GRK5: variants seen among roughly 807,000 people sequenced by gnomAD.
GRK5 encodes the protein G protein-coupled receptor kinase 5.
A neutral mutation model predicts 78.4 loss-of-function variants in GRK5; 40 were observed. The ratio of observed to expected loss-of-function variants is 0.51; its 90% confidence interval spans 0.40 to 0.66. The LOEUF (loss-of-function observed/expected upper bound fraction) is 0.66. GRK5 is among the 30% of genes least tolerant of loss of function. The probability of loss-of-function intolerance (pLI) is 0.00; values close to 1 mark genes in which losing one functional copy is unlikely to be tolerated. For synonymous variants in GRK5, 289 were observed against 296.8 expected, an observed-to-expected ratio of 0.97 and a Z score of 0.27; for missense variants, 598 against 759.9, an observed-to-expected ratio of 0.79 and a Z score of 2.50.
chr10:119,246,204 A>G (rs776760992), intron 1 of GRK5, among the ~76,000 whole-genome samples: 1 of 152,104 alleles, frequency 6.6e-6, no homozygotes, highest in Non-Finnish European at 1.5e-5. Context: ...ATATAAAGTG[A>G]CATAGTATTC....
intron 1 of GRK5, among the ~76,000 whole-genome samples, chr10:119,250,652 C>T (rs1849184782): frequency 4.0e-5 from 6 of 151,824 alleles, no homozygotes; most frequent in Admixed American, 1.3e-4. Flanking sequence ...CCTGGCCCTA[C>T]ACCACATATT....
chr10:119,396,587 T>A, intron 3 of GRK5, 108 bp from the exon 4 acceptor site: 2 of 840,126 alleles, frequency 2.4e-6, no homozygotes, highest in East Asian at 2.6e-5. Context: ...GAGAAGGGGG[T>A]TGGTCAGGTG....
intron 4 of GRK5, among the ~76,000 whole-genome samples, chr10:119,411,842 CTTTTTTTTT>C (rs10578557): frequency 0.46 from 44,470 of 96,324 alleles, 9,359 homozygotes; most frequent in South Asian, 0.5. Context: ...AGATCTGCTT[CTTTTTTTTT>C]TTTTTTTTTT....
At position 119,427,367 on chromosome 10, in the gene GRK5, A is replaced by ACCACCATCAACAGCATCACTGCCT. The variant is rs1852710835; in HGVS notation, c.533+2282_533+2283insCCACCATCAACAGCATCACTGCCT. Among the ~76,000 whole-genome samples the ACCACCATCAACAGCATCACTGCCT allele has an allele frequency of 3.9e-5, 3 of 76,516 alleles. No individual in the cohort carries two copies. The Admixed American group carries it at 5.1e-4, about 13-fold the overall frequency. 50.2% of individuals were successfully genotyped at this position (76,516 alleles called of 152,430 possible). On this transcript the variant is annotated intron_variant, in intron 6 of 15. Coordinates refer to ENST00000392870, the MANE Select transcript of GRK5 (RefSeq NM_005308.3). ...CACCACCATCATCAGCATCATCACCATCATCAGCATCACCACCATCATCAG... is the reference window on the plus strand; with the variant it reads ...CACCACCATCATCAGCATCATCACCACCACCATCAACAGCATCACTGCCTTCATCAGCATCACCACCATCATCAG...
chr10:119,244,190 C>T (rs1256322323), intron 1 of GRK5, among the ~76,000 whole-genome samples: 1 of 152,248 alleles, frequency 6.6e-6, no homozygotes, highest in Admixed American at 6.5e-5. Flanking sequence ...ACTTTATTTA[C>T]AAGAACAGGT....
intron 1 of GRK5, among the ~76,000 whole-genome samples, chr10:119,226,002 C>T (rs950641319): frequency 6.6e-6 from 1 of 151,968 alleles, no homozygotes; most frequent in Non-Finnish European, 1.5e-5. Flanking sequence ...GTGCCCGCCA[C>T]CATGCCTTGC....
At chr10:119,309,978 C>T (rs900049491) in intron 1 of GRK5, among the ~76,000 whole-genome samples, 1 of 152,162 alleles carries the variant, frequency 6.6e-6, no homozygotes, top group Non-Finnish European at 1.5e-5. Context: ...GGCCCAGAGA[C>T]TGTGGAGGTG....
At position 119,264,704 on chromosome 10, in the gene GRK5, G is replaced by T. The variant is rs1020915985; in HGVS notation, c.52+56735G>T. On this transcript the variant is annotated intron_variant, in intron 1 of 15. Coordinates refer to ENST00000392870, the MANE Select transcript of GRK5 (RefSeq NM_005308.3). The surrounding 1 kb of genome is among the most constrained non-coding windows in gnomAD (Gnocchi z 4.1). ...AGTCCTGTGTGGGTAGCAGGGCCCTGATCAGCAGCCTGGCATTGTAAGTGG... is the reference window on the plus strand; with the variant it reads ...AGTCCTGTGTGGGTAGCAGGGCCCTTATCAGCAGCCTGGCATTGTAAGTGG... Among the ~76,000 whole-genome samples, 1 of 152,178 alleles carries T rather than the reference G, an allele frequency of 6.6e-6. No individual in the cohort carries two copies. Among genetic ancestry groups the T allele is most frequent in the Non-Finnish European group, 1.5e-5 (1 of 68,026 alleles).
At chr10:119,402,494 GTAA>G (rs1200356069) in intron 4 of GRK5, among the ~76,000 whole-genome samples, 1 of 152,118 alleles carries the variant, frequency 6.6e-6, no homozygotes, top group Admixed American at 6.5e-5. Context: ...TGTTCCCATT[GTAA>G]TAATAATAAT....
At chr10:119,444,756 C>T (rs1017196415) in intron 12 of GRK5, among the ~76,000 whole-genome samples, 21 of 152,296 alleles carry the variant, frequency 1.4e-4, no homozygotes, top group African/African-American at 4.8e-4. Flanking sequence ...ATGGGCAAAC[C>T]GAGCCTGGGA....
At chr10:119,265,022 C>T (rs1037165046) in intron 1 of GRK5, among the ~76,000 whole-genome samples, 6 of 152,186 alleles carry the variant, frequency 3.9e-5, no homozygotes, top group Admixed American at 6.5e-5. Context: ...GGGCTCACAG[C>T]GGCCTCTTTG....
Position 119,303,641 on chromosome 10 carries a change from G to A in GRK5, c.53-22875G>A, listed in dbSNP as rs146532309. On this transcript the variant is annotated intron_variant, in intron 1 of 15. Coordinates refer to ENST00000392870, the MANE Select transcript of GRK5 (RefSeq NM_005308.3). Reference sequence around the variant, plus strand: ...TTCAAATGAGAGAATTCCATGAGTTGCTTTGGGTTTGCATAACTCTGGCTG... The same window carrying A: ...TTCAAATGAGAGAATTCCATGAGTTACTTTGGGTTTGCATAACTCTGGCTG... Among the ~76,000 whole-genome samples, 264 of 152,298 alleles carry A rather than the reference G, an allele frequency of 1.7e-3. 2 individuals carry two copies. Among genetic ancestry groups the A allele is most frequent in the African/African-American group, 6.1e-3 (253 of 41,558 alleles).
intron 1 of GRK5, among the ~76,000 whole-genome samples, chr10:119,296,886 C>A (rs1242404299): frequency 6.6e-6 from 1 of 152,228 alleles, no homozygotes; most frequent in Non-Finnish European, 1.5e-5. Flanking sequence ...AGGGCCCCAC[C>A]CCCAGTGCTC....
chr10:119,386,198 C>T (rs541689944), intron 3 of GRK5, among the ~76,000 whole-genome samples: 2 of 152,272 alleles, frequency 1.3e-5, no homozygotes, highest in African/African-American at 2.4e-5. Context: ...GAGTTGTCAA[C>T]ACATATATAG....
intron 3 of GRK5, among the ~76,000 whole-genome samples, chr10:119,391,759 C>T (rs1417425771): frequency 2.0e-5 from 3 of 152,078 alleles, no homozygotes; most frequent in Admixed American, 6.5e-5. Context: ...AAGCTGGGGC[C>T]GTGGGGGTGG....
intron 1 of GRK5, among the ~76,000 whole-genome samples, chr10:119,261,714 C>T (rs971028674): frequency 6.6e-6 from 1 of 152,254 alleles, no homozygotes; most frequent in Non-Finnish European, 1.5e-5. Context: ...CCGGCCAACA[C>T]AGCGAAACCC....
intron 2 of GRK5, among the ~76,000 whole-genome samples, chr10:119,348,227 C>A (rs1851131714): frequency 6.6e-6 from 1 of 152,224 alleles, no homozygotes; most frequent in African/African-American, 2.4e-5. Context: ...GCCCATAGCT[C>A]AGTTTGATGT....
chr10:119,401,302 A>C (rs1370796614), intron 4 of GRK5, among the ~76,000 whole-genome samples: 1 of 152,150 alleles, frequency 6.6e-6, no homozygotes, highest in Non-Finnish European at 1.5e-5. Flanking sequence ...CCCGTGCCTG[A>C]AGTTTTTATC....
rs1397650305 is a variant in GRK5 at position 119,217,450 on chromosome 10, G to A, written c.52+9481G>A. Among the ~76,000 whole-genome samples, 2 of 152,208 alleles carry A rather than the reference G, an allele frequency of 1.3e-5. No individual in the cohort carries two copies. The highest frequency in any genetic ancestry group is 2.9e-5 in the Non-Finnish European group (2 of 68,038). On this transcript the variant is annotated intron_variant, in intron 1 of 15. Coordinates refer to ENST00000392870, the MANE Select transcript of GRK5 (RefSeq NM_005308.3). The surrounding 1 kb of genome is among the most constrained non-coding windows in gnomAD (Gnocchi z 4.1). ...TGTACACACATAAGCACATGTGTACGTATGTGGTATGATCGCCTGTGGAGG... is the reference window on the plus strand; with the variant it reads ...TGTACACACATAAGCACATGTGTACATATGTGGTATGATCGCCTGTGGAGG...
Sources: allele counts gnomAD v4.1 joint callset (sites outside exome capture counted in the v4.1 genomes callset), GRCh38; gene constraint gnomAD v4.1.1; non-coding constraint Gnocchi (gnomAD v3.1); transcripts MANE v1.5; gene names NCBI Gene and HGNC (gene_info 2026-07-23, HGNC 2026-07-21).